EYS: variants seen among roughly 807,000 people sequenced by gnomAD.
The protein encoded by EYS is protein eyes shut homolog.
In EYS, 250 loss-of-function variants were observed where a neutral mutation model predicts 282.1. The ratio of observed to expected loss-of-function variants is 0.89; its 90% CI spans 0.80 to 0.98. The LOEUF is 0.98. Ranked by LOEUF, EYS falls within the 50% of genes least tolerant of loss-of-function variation. EYS has a pLI of 0.00. For missense variants in EYS, 4,016 were observed against 3,709.0 expected (o/e 1.08, Z -2.15); for synonymous variants, 1,355 against 1,282.9 (o/e 1.06, Z -1.20).
At chr6:65,192,107 G>T (rs1270704222) in intron 12 of EYS, among the ~76,000 whole-genome samples, 8 of 151,678 alleles carry the variant, frequency 5.3e-5, no homozygotes, top group Non-Finnish European at 1.2e-4. Context: ...AGGTCCTTTG[G>T]TGTTAGAAGC....
At chr6:65,578,437 G>A (rs1003532936) in intron 2 of EYS, among the ~76,000 whole-genome samples, 1 of 151,770 alleles carries the variant, frequency 6.6e-6, no homozygotes, top group Non-Finnish European at 1.5e-5. Flanking sequence ...TTGTTGTTAC[G>A]AGAGGCTTTG....
intron 7 of EYS, among the ~76,000 whole-genome samples, chr6:65,390,224 C>A (rs1016036962): frequency 6.6e-6 from 1 of 151,110 alleles, no homozygotes; most frequent in African/African-American, 2.4e-5. Context: ...GAGTGGATTT[C>A]CAAGAGGGAT....
At chr6:65,357,298 AT>A (rs1178330291) in intron 8 of EYS, among the ~76,000 whole-genome samples, 9 of 152,006 alleles carry the variant, frequency 5.9e-5, no homozygotes, top group African/African-American at 1.9e-4. Context: ...TGTTGCTTTG[AT>A]TTTAGTCTTA....
rs142037036 is a variant in EYS, at chr6:64,784,360, A to G, written c.3443+29018T>C. On this transcript the variant is annotated intron_variant, in intron 22 of 42. Coordinates refer to ENST00000503581, the MANE Select transcript of EYS (RefSeq NM_001142800.2). ...CGTGATATAAGATCTATTCCCTATAATTTCATTTTTATTTTGTGAAGCTTT... is the reference window on the plus strand; with the variant it reads ...CGTGATATAAGATCTATTCCCTATAGTTTCATTTTTATTTTGTGAAGCTTT... 6.7e-4 allele frequency among the ~76,000 whole-genome samples: 102 copies of G among 152,144 alleles called. 1 individual carries two copies. The highest frequency in any genetic ancestry group is 3.4e-3 in the Middle Eastern group (1 of 292).
chr6:65,066,706 G>T (rs990456516), intron 12 of EYS, among the ~76,000 whole-genome samples: 3 of 152,104 alleles, frequency 2.0e-5, no homozygotes, highest in Non-Finnish European at 2.9e-5. Context: ...ATCTAAATTG[G>T]TTAGATTTTA....
At chr6:64,359,911 T>C (rs1771949785) in intron 29 of EYS, among the ~76,000 whole-genome samples, 1 of 151,598 alleles carries the variant, frequency 6.6e-6, no homozygotes, top group South Asian at 2.1e-4. Flanking sequence ...ATTTTGCTTT[T>C]TAATACCATG....
At chr6:64,431,603 A>T (rs1319097333) in intron 28 of EYS, among the ~76,000 whole-genome samples, 1 of 152,054 alleles carries the variant, frequency 6.6e-6, no homozygotes, top group Non-Finnish European at 1.5e-5. Context: ...AAGGACAGTG[A>T]GTACTCCTTT....
At chr6:64,174,274 T>C (rs557042690) in intron 31 of EYS, among the ~76,000 whole-genome samples, 1 of 152,156 alleles carries the variant, frequency 6.6e-6, no homozygotes, top group Non-Finnish European at 1.5e-5. Context: ...GAATTTCTTG[T>C]ATATTTTTGC....
At chr6:64,077,572 T>A (rs1455900847) in intron 32 of EYS, among the ~76,000 whole-genome samples, 2 of 152,070 alleles carry the variant, frequency 1.3e-5, no homozygotes, top group Non-Finnish European at 2.9e-5. Flanking sequence ...ATATAAAGAT[T>A]GCTTCTGAAT....
intron 26 of EYS, among the ~76,000 whole-genome samples, chr6:64,501,333 A>G (rs1777035499): frequency 6.6e-6 from 1 of 152,122 alleles, no homozygotes; most frequent in Admixed American, 6.5e-5. Context: ...AAATATTTAA[A>G]AAAATAACAA....
intron 12 of EYS, among the ~76,000 whole-genome samples, chr6:65,253,303 A>C (rs1012096706): frequency 7.2e-5 from 11 of 151,916 alleles, no homozygotes; most frequent in Admixed American, 2.0e-4. Flanking sequence ...TAATTTTCTT[A>C]TTCTTCTTCA....
chr6:65,343,313 T>A (rs1046884533), intron 10 of EYS, among the ~76,000 whole-genome samples: 5 of 151,418 alleles, frequency 3.3e-5, no homozygotes, highest in African/African-American at 1.2e-4. Context: ...AATTAAAACA[T>A]GGCTTTCTTA....
intron 36 of EYS, among the ~76,000 whole-genome samples, chr6:63,825,646 T>G (rs1259418921): frequency 6.6e-6 from 1 of 152,022 alleles, no homozygotes; most frequent in Non-Finnish European, 1.5e-5. Context: ...AGAGAGACAA[T>G]AATCACCGCA....
intron 36 of EYS, among the ~76,000 whole-genome samples, chr6:63,823,164 T>C (rs1279435647): frequency 1.3e-5 from 2 of 152,188 alleles, no homozygotes; most frequent in Non-Finnish European, 2.9e-5. Flanking sequence ...TGTTTGATTA[T>C]ATTTGCTAAT....
intron 5 of EYS, among the ~76,000 whole-genome samples, chr6:65,459,094 T>C (rs1217755211): frequency 6.6e-6 from 1 of 152,146 alleles, no homozygotes; most frequent in African/African-American, 2.4e-5. Context: ...ACACTTTTGC[T>C]ATGATAGAAT....
chr6:65,162,807 A>G (rs1764881358), intron 12 of EYS, among the ~76,000 whole-genome samples: 1 of 151,002 alleles, frequency 6.6e-6, no homozygotes, highest in African/African-American at 2.4e-5. Flanking sequence ...ACAAGCCAGG[A>G]CTTGAAAATG....
intron 37 of EYS, among the ~76,000 whole-genome samples, chr6:63,794,459 G>T (rs934684741): frequency 3.9e-5 from 6 of 152,114 alleles, no homozygotes; most frequent in African/African-American, 1.4e-4. Context: ...AAATTTTGGA[G>T]GATCAAACAT....
chr6:64,621,126 C>A (rs895219006), intron 23 of EYS, among the ~76,000 whole-genome samples: 1 of 152,044 alleles, frequency 6.6e-6, no homozygotes, highest in Admixed American at 6.6e-5. Flanking sequence ...AGCCAACCCA[C>A]CCAGCCTAAA....
intron 12 of EYS, among the ~76,000 whole-genome samples, chr6:65,288,384 A>G (rs1432355816): frequency 6.6e-6 from 1 of 150,660 alleles, no homozygotes; most frequent in East Asian, 1.9e-4. Context: ...AAAAAAATAT[A>G]GGAATGGACA....
Sources: allele counts gnomAD v4.1 joint callset (sites outside exome capture counted in the v4.1 genomes callset), GRCh38; gene constraint gnomAD v4.1.1; transcripts MANE v1.5; gene names NCBI Gene and HGNC (gene_info 2026-07-23, HGNC 2026-07-21).